OSBPL5: variants seen among roughly 807,000 people sequenced by gnomAD.
The protein encoded by OSBPL5 is oxysterol-binding protein-related protein 5.
Under a neutral mutation model 111.2 loss-of-function variants are expected in OSBPL5, and 71 were observed. The observed-to-expected ratio is 0.64, with a 90% CI of 0.53 to 0.78. The LOEUF is 0.78. OSBPL5 is among the 30% of genes least tolerant of loss of function. The pLI is 0.00. For synonymous variants in OSBPL5, 549 were observed against 513.9 expected (o/e 1.07, Z -0.93); for missense variants, 1,210 against 1,189.3 (o/e 1.02, Z -0.26).
intron 1 of OSBPL5, among the ~76,000 whole-genome samples, chr11:3,136,584 G>C (rs1394301688): frequency 6.6e-6 from 1 of 152,274 alleles, no homozygotes; most frequent in East Asian, 1.9e-4. Flanking sequence ...TCCAGTGGTT[G>C]TGTGGCCTCA....
chr11:3,108,493 G>C (rs928173993), intron 7 of OSBPL5, among the ~76,000 whole-genome samples: 7 of 152,178 alleles, frequency 4.6e-5, no homozygotes, highest in African/African-American at 1.7e-4. Context: ...CTGAGGAGGG[G>C]CTTGCACACC....
At chr11:3,111,507 C>A (rs991843690) in intron 7 of OSBPL5, among the ~76,000 whole-genome samples, 2 of 152,308 alleles carry the variant, frequency 1.3e-5, no homozygotes. Context: ...ACTCAGTGAT[C>A]ACGTAAGTTG....
chr11:3,152,793 CAGA>C, intron 1 of OSBPL5, among the ~76,000 whole-genome samples: 1 of 152,316 alleles, frequency 6.6e-6, no homozygotes, highest in East Asian at 1.9e-4. Context: ...GAGCGAGAAA[CAGA>C]AGAATGAAGA....
At chr11:3,128,548 TCCAG>T (rs1276478854) in intron 2 of OSBPL5, among the ~76,000 whole-genome samples, 1 of 152,222 alleles carries the variant, frequency 6.6e-6, no homozygotes, top group African/African-American at 2.4e-5. Context: ...CAGGCCTGGT[TCCAG>T]CTGTCCCCTC....
intron 1 of OSBPL5, among the ~76,000 whole-genome samples, chr11:3,145,795 C>T (rs909544023): frequency 6.6e-6 from 1 of 152,212 alleles, no homozygotes; most frequent in Non-Finnish European, 1.5e-5. Flanking sequence ...GACCAGAACC[C>T]CGGCCTGTCG....
In OSBPL5 at chr11:3,105,642, AC is replaced by A. The variant is rs1857666125; in HGVS notation, c.1060-1266del. Among the ~76,000 whole-genome samples, 1 of 151,028 alleles carries A rather than the reference AC, an allele frequency of 6.6e-6. No individual in the cohort carries two copies. The highest frequency in any genetic ancestry group is 2.1e-4 in the South Asian group (1 of 4,772). ...CCATCCCTGCTTCTCATCCTGCCCC[AC>A]CTCTCGGACCAGCTGGCTCTGAGAC... On this transcript the variant is annotated intron_variant, in intron 9 of 21. Coordinates refer to ENST00000263650, the MANE Select transcript of OSBPL5 (RefSeq NM_020896.4). This position sits in a 1 kb window ranked among gnomAD's most constrained non-coding sequence, Gnocchi z 5.2.
intron 1 of OSBPL5, among the ~76,000 whole-genome samples, chr11:3,133,404 T>C (rs1845864716): frequency 1.3e-5 from 2 of 152,216 alleles, no homozygotes; most frequent in African/African-American, 4.8e-5. Context: ...AAAAGGCCTG[T>C]TATCGCCACT....
In OSBPL5 at chr11:3,120,604, G is replaced by A. The variant is rs773454789; in HGVS notation, c.423C>T (p.Ser141=). 1.2e-6 allele frequency: 2 copies of A among 1,612,940 alleles called. No homozygotes were observed. The highest frequency in any genetic ancestry group is 1.7e-6 in the Non-Finnish European group (2 of 1,179,992). ...DSLKIRGTLK[S]WTKLWCVLKP... ...TCAGCACGCACCACAGCTTGGTCCA[G>A]CTCTTCAGGGTGCCGCGGATCTGCA... Residue 141 remains serine (S), a synonymous_variant, in exon 6 of 22, where the codon AGC becomes AGT. Transcript: ENST00000263650.
intron 13 of OSBPL5, 54 bp downstream of exon 13, chr11:3,101,549 C>T: frequency 1.3e-6 from 2 of 1,526,822 alleles, no homozygotes; most frequent in Admixed American, 1.7e-5. Context: ...CGGAGTCCTC[C>T]CGACCATCGC....
rs1459653156 is a variant in OSBPL5, at chr11:3,110,310, C to T, written c.692-2365G>A. On this transcript the variant is annotated intron_variant, in intron 7 of 21. Coordinates refer to ENST00000263650, the MANE Select transcript of OSBPL5 (RefSeq NM_020896.4). The surrounding 1 kb of genome is among the most constrained non-coding windows in gnomAD (Gnocchi z 5.3). ...TTTACCCAGAGCAGCCACTGGAGGG[C>T]GAGGTGGGGTAGGGCCCCAACCTCA... Among the ~76,000 whole-genome samples, 4 of 152,146 alleles carry T rather than the reference C, an allele frequency of 2.6e-5. No individual in the cohort carries two copies. Among genetic ancestry groups the T allele is most frequent in the East Asian group, 3.9e-4 (2 of 5,192 alleles).
At chr11:3,108,309 T>C (rs980008909) in intron 7 of OSBPL5, among the ~76,000 whole-genome samples, 1 of 151,972 alleles carries the variant, frequency 6.6e-6, no homozygotes, top group Non-Finnish European at 1.5e-5. Flanking sequence ...CTGGCATAAG[T>C]GACCCCTCCA....
rs1443059049 is a variant in OSBPL5 at position 3,146,754 on chromosome 11, T to G, written c.-21-17585A>C. On this transcript the variant is annotated intron_variant, in intron 1 of 21. Coordinates refer to ENST00000263650, the MANE Select transcript of OSBPL5 (RefSeq NM_020896.4). This position sits in a 1 kb window ranked among gnomAD's most constrained non-coding sequence, Gnocchi z 7.8. ...GCCCCTCTGGGGTTTGGGAGATGAC[T>G]GAGTTGGCCTTTGTACAGCCTGTCC... The G allele has an allele frequency of 1.3e-5, 2 of 152,204 alleles. No individual in the cohort carries two copies. Among genetic ancestry groups the G allele is most frequent in the Admixed American group, 6.5e-5 (1 of 15,282 alleles). 9.4% of individuals were successfully genotyped at this position (152,204 alleles called of 1,614,324 possible).
intron 1 of OSBPL5, among the ~76,000 whole-genome samples, chr11:3,138,066 C>A (rs894843957): frequency 6.6e-6 from 1 of 152,224 alleles, no homozygotes; most frequent in Non-Finnish European, 1.5e-5. Context: ...TCGAGCCATG[C>A]CTGCGTGTTC....
intron 12 of OSBPL5, 56 bp from the exon 13 acceptor site, chr11:3,101,755 G>T: frequency 6.9e-7 from 1 of 1,452,402 alleles, no homozygotes. Flanking sequence ...ATCCCAGGAA[G>T]CGAGAGCCCA....
At chr11:3,156,638 C>T (rs907555342) in intron 1 of OSBPL5, among the ~76,000 whole-genome samples, 1 of 152,238 alleles carries the variant, frequency 6.6e-6, no homozygotes, top group Admixed American at 6.5e-5. Context: ...ACCTTGACGA[C>T]GCTGGGGTTG....
Position 3,138,080 on chromosome 11 carries a change from G to A in OSBPL5, c.-21-8911C>T, listed in dbSNP as rs182032531. Among the ~76,000 whole-genome samples the A allele has an allele frequency of 8.1e-3, 1,229 of 152,304 alleles. 70 individuals carry two copies. The highest frequency in any genetic ancestry group is 0.07 in the Admixed American group (1,075 of 15,298). ...ATCGAGCCATGCCTGCGTGTTCTCC[G>A]GGCTGCCTCAGCCAAGTCCTGTGCC... On this transcript the variant is annotated intron_variant, in intron 1 of 21. Coordinates refer to ENST00000263650, the MANE Select transcript of OSBPL5 (RefSeq NM_020896.4).
chr11:3,118,553 C>T (rs1858289388), intron 7 of OSBPL5, among the ~76,000 whole-genome samples: 1 of 150,006 alleles, frequency 6.7e-6, no homozygotes, highest in Non-Finnish European at 1.5e-5. Flanking sequence ...ACGGCCTCAA[C>T]CTTGGCAAAA....
chr11:3,144,529 G>GT (rs1395294062), intron 1 of OSBPL5, among the ~76,000 whole-genome samples: 5 of 152,248 alleles, frequency 3.3e-5, no homozygotes, highest in African/African-American at 1.2e-4. Flanking sequence ...CTGCAGGGGA[G>GT]TGCGGGCTGG....
rs369111357 is a variant in OSBPL5, at chr11:3,126,638, G to A, written c.137-83C>T. The A allele has an allele frequency of 3.6e-5, 45 of 1,244,674 alleles. No individual in the cohort carries two copies. Among genetic ancestry groups the A allele is most frequent in the Middle Eastern group, 2.1e-4 (1 of 4,766 alleles). 77.1% of individuals were successfully genotyped at this position (1,244,674 alleles called of 1,614,324 possible). A position where few individuals can be genotyped will look rare whatever the true frequency, so the allele number is the denominator to read the frequency against. ...GGCCGCTGCCTGGTGTGAGGCAGGC[G>A]AAGCGTGGGTGCGGATGACCTGGGA... is the stretch of plus-strand genomic sequence containing the variant. On this transcript the variant is annotated intron_variant, in intron 2 of 21. Coordinates refer to ENST00000263650, the MANE Select transcript of OSBPL5 (RefSeq NM_020896.4). This position sits in a 1 kb window ranked among gnomAD's most constrained non-coding sequence, Gnocchi z 6.5.
Sources: gnomAD v4.1 joint callset for allele counts (sites outside exome capture counted in the v4.1 genomes callset) on GRCh38, gnomAD v4.1.1 for gene constraint, Gnocchi (gnomAD v3.1) non-coding constraint, MANE v1.5 for transcripts, NCBI Gene and HGNC (gene_info 2026-07-23, HGNC 2026-07-21) for gene names.